TTC7B: variants seen among roughly 807,000 people sequenced by gnomAD.
TTC7B encodes the protein tetratricopeptide repeat domain 7B, also known as tetratricopeptide repeat protein 7B.
TTC7B carries 28 observed loss-of-function variants against 106.8 expected under a neutral mutation model. The ratio of observed to expected loss-of-function variants is 0.26; its 90% CI spans 0.19 to 0.36. TTC7B has a LOEUF of 0.36. Among genes scored for constraint, TTC7B ranks in the 10% least tolerant of loss-of-function variants. The pLI, the probability that TTC7B is intolerant of heterozygous loss-of-function variation, is 1.00. For synonymous variants in TTC7B, 405 were observed against 430.6 expected (o/e 0.94, Z 0.74); for missense variants, 862 against 1,076.4 (o/e 0.80, Z 2.79).
chr14:90,595,332 C>CA (rs1367601471), intron 17 of TTC7B, among the ~76,000 whole-genome samples: 3 of 149,668 alleles, frequency 2.0e-5, no homozygotes, highest in South Asian at 2.1e-4. Context: ...GACTCTGTCT[C>CA]AAAAAAATAA....
chr14:90,526,698 C>A lies in TTC7B; in HGVS notation c.*14670G>T, dbSNP rs1294550. The A allele has an allele frequency of 0.7, 107,062 of 151,926 alleles. 37,953 individuals carry two copies. The highest frequency in any genetic ancestry group is 0.77 in the African/African-American group (31,689 of 41,394). 9.4% of individuals were successfully genotyped at this position (151,926 alleles called of 1,614,324 possible). A position where few individuals can be genotyped will look rare whatever the true frequency, so the allele number is the denominator to read the frequency against. ...TCTCATGATAGTGAGTTCTCATGAG[C>A]TCTGATGGTTTTATAAGGGTTTTTC... On this transcript the variant is annotated 3_prime_UTR_variant, in exon 20 of 20. Coordinates refer to ENST00000328459, the MANE Select transcript of TTC7B (RefSeq NM_001010854.2).
At chr14:90,569,615 T>C (rs11844421) in intron 19 of TTC7B, 11,476 of 152,020 alleles carry the variant, frequency 0.075, 1,352 homozygotes, top group African/African-American at 0.25. Context: ...CTGTCAAGAG[T>C]GTGATTAGTG....
intron 1 of TTC7B, among the ~76,000 whole-genome samples, chr14:90,792,306 G>GT (rs2140046902): frequency 6.6e-6 from 1 of 152,278 alleles, no homozygotes; most frequent in Non-Finnish European, 1.5e-5. Flanking sequence ...GCAGGGTGCG[G>GT]TGGCTCACGC....
At chr14:90,786,655 C>G (rs527820210) in intron 1 of TTC7B, among the ~76,000 whole-genome samples, 56 of 152,214 alleles carry the variant, frequency 3.7e-4, no homozygotes, top group African/African-American at 1.2e-3. Flanking sequence ...TCTCGGCTCA[C>G]CGCAACCTCC....
intron 15 of TTC7B, among the ~76,000 whole-genome samples, chr14:90,634,535 G>T (rs1884847275): frequency 6.6e-6 from 1 of 152,160 alleles, no homozygotes; most frequent in Non-Finnish European, 1.5e-5. Context: ...ATTGTGGGAG[G>T]CTGTGGCGGG....
At chr14:90,599,570 A>G (rs1213656763) in intron 17 of TTC7B, among the ~76,000 whole-genome samples, 1 of 152,182 alleles carries the variant, frequency 6.6e-6, no homozygotes, top group Non-Finnish European at 1.5e-5. Context: ...ATGCCTCATG[A>G]GTGTGAACAT....
chr14:90,758,662 A>G (rs1405861228), intron 3 of TTC7B, among the ~76,000 whole-genome samples: 2 of 152,202 alleles, frequency 1.3e-5, no homozygotes, highest in Admixed American at 6.5e-5. Context: ...GCCCTGAGTC[A>G]GCTTTTAGAG....
At chr14:90,755,970 G>T (rs1890280218) in intron 3 of TTC7B, among the ~76,000 whole-genome samples, 1 of 152,246 alleles carries the variant, frequency 6.6e-6, no homozygotes, top group Non-Finnish European at 1.5e-5. Flanking sequence ...GCTGAAAAAT[G>T]CAGAAAAGCA....
At chr14:90,622,946 C>A (rs530701257) in intron 15 of TTC7B, among the ~76,000 whole-genome samples, 3 of 152,226 alleles carry the variant, frequency 2.0e-5, no homozygotes, top group African/African-American at 7.2e-5. Context: ...CCTACGCCCC[C>A]ACTCGAGCCG....
chr14:90,617,876 T>C, intron 16 of TTC7B, 53 bp downstream of exon 16: 1 of 1,400,932 alleles, frequency 7.1e-7, no homozygotes, highest in East Asian at 2.3e-5. Context: ...AAGGCACTGA[T>C]AGGCAGGGAC....
At chr14:90,611,570 G>A (rs1021151469) in intron 16 of TTC7B, among the ~76,000 whole-genome samples, 4 of 152,086 alleles carry the variant, frequency 2.6e-5, no homozygotes, top group Non-Finnish European at 5.9e-5. Flanking sequence ...TGGCTGATAG[G>A]GACACACAGG....
At chr14:90,621,374 G>A (rs1483048213) in intron 15 of TTC7B, among the ~76,000 whole-genome samples, 2 of 149,772 alleles carry the variant, frequency 1.3e-5, no homozygotes, top group Non-Finnish European at 3.0e-5. Flanking sequence ...CAGAGGCCAC[G>A]CGGGTACGGC....
chr14:90,552,342 G>C (rs1890121506), intron 19 of TTC7B, among the ~76,000 whole-genome samples: 1 of 152,232 alleles, frequency 6.6e-6, no homozygotes, highest in South Asian at 2.1e-4. Flanking sequence ...GGCAGGTGTG[G>C]GGCTGGTTTA....
At chr14:90,597,287 C>A (rs1217820250) in intron 17 of TTC7B, among the ~76,000 whole-genome samples, 2 of 152,102 alleles carry the variant, frequency 1.3e-5, no homozygotes, top group Non-Finnish European at 2.9e-5. Flanking sequence ...AAATAAAAGT[C>A]TTCCATTGAA....
intron 6 of TTC7B, among the ~76,000 whole-genome samples, chr14:90,691,229 A>G (rs1440248918): frequency 6.6e-6 from 1 of 152,212 alleles, no homozygotes; most frequent in Non-Finnish European, 1.5e-5. Flanking sequence ...TACATTTGCC[A>G]TGGAGGGATT....
Position 90,704,917 on chromosome 14 carries a change from G to T in TTC7B, c.699-9339C>A, listed in dbSNP as rs1257203149. On this transcript the variant is annotated intron_variant, in intron 5 of 19. Transcript: ENST00000328459. ...TCACTCACTCCGACGCGAAGCTCAGGTTTACCTTGGCTCTATCTACAGAAA... is the reference window on the plus strand; with the variant it reads ...TCACTCACTCCGACGCGAAGCTCAGTTTTACCTTGGCTCTATCTACAGAAA... 2.0e-5 allele frequency among the ~76,000 whole-genome samples: 3 copies of T among 152,146 alleles called. 1 individual carries two copies. The highest frequency in any genetic ancestry group is 1.3e-4 in the Admixed American group (2 of 15,284).
At chr14:90,788,016 C>T (rs1891450882) in intron 1 of TTC7B, among the ~76,000 whole-genome samples, 1 of 152,102 alleles carries the variant, frequency 6.6e-6, no homozygotes, top group African/African-American at 2.4e-5. Flanking sequence ...TACAGGAAAA[C>T]TAGCCAGGCA....
At chr14:90,572,075 C>A (rs573647609) in intron 19 of TTC7B, among the ~76,000 whole-genome samples, 14 of 151,996 alleles carry the variant, frequency 9.2e-5, no homozygotes, top group African/African-American at 3.1e-4. Flanking sequence ...ATTTAAGAGA[C>A]GAGAGAGAGA....
chr14:90,575,505 G>C lies in TTC7B; in HGVS notation c.2310+2601C>G, dbSNP rs541783885. Reference sequence around the variant, plus strand: ...TTGTAGGGAAGAGGACAGAGAGGGAGTGTGATGTCTCAGGGCTGAAGAGCC... The same window carrying C: ...TTGTAGGGAAGAGGACAGAGAGGGACTGTGATGTCTCAGGGCTGAAGAGCC... On this transcript the variant is annotated intron_variant, in intron 19 of 19. Transcript: ENST00000328459. This position sits in a 1 kb window ranked among gnomAD's most constrained non-coding sequence, Gnocchi z 5.2. Among the ~76,000 whole-genome samples the C allele has an allele frequency of 2.0e-5, 3 of 152,324 alleles. No homozygotes were observed. Among genetic ancestry groups the C allele is most frequent in the East Asian group, 3.9e-4 (2 of 5,160 alleles).
Sources: allele counts gnomAD v4.1 joint callset (sites outside exome capture counted in the v4.1 genomes callset), GRCh38; gene constraint gnomAD v4.1.1; non-coding constraint Gnocchi (gnomAD v3.1); transcripts MANE v1.5; gene names NCBI Gene and HGNC (gene_info 2026-07-23, HGNC 2026-07-21).